ESRRG: variants seen among roughly 807,000 people sequenced by gnomAD.
The protein encoded by ESRRG is estrogen-related receptor gamma.
ESRRG carries 13 observed loss-of-function variants against 44.0 expected under a neutral mutation model. The ratio of observed to expected loss-of-function variants is 0.30; its 90% CI spans 0.19 to 0.47. ESRRG has a LOEUF of 0.47. Ranked by LOEUF, ESRRG falls within the 20% of genes least tolerant of loss-of-function variation. ESRRG has a pLI of 1.00. For synonymous variants in ESRRG, 215 were observed against 214.6 expected (o/e 1.00, Z -0.02); for missense variants, 395 against 580.6 (o/e 0.68, Z 3.29).
chr1:216,811,187 T>G lies in ESRRG; in HGVS notation c.-14+128395A>C, dbSNP rs1360202512. 2.0e-5 allele frequency among the ~76,000 whole-genome samples: 3 copies of G among 152,182 alleles called. No homozygotes were observed. The South Asian group carries it at 6.2e-4, about 31-fold the overall frequency. On this transcript the variant is annotated intron_variant, in intron 2 of 7. Transcript: ENST00000359162. The stretch of plus-strand genomic sequence containing the variant: ...AGGAAATGTTTGGTATGGGAGAAGA[T>G]AGGACCTATCAAATAAGATGAGATA...
chr1:216,886,104 A>G (rs1285834441), intron 2 of ESRRG, among the ~76,000 whole-genome samples: 1 of 152,178 alleles, frequency 6.6e-6, no homozygotes, highest in Non-Finnish European at 1.5e-5. Flanking sequence ...CCTAGTATGA[A>G]TAATCTCTGA....
At chr1:216,924,331 G>A (rs559659230) in intron 2 of ESRRG, among the ~76,000 whole-genome samples, 1 of 152,234 alleles carries the variant, frequency 6.6e-6, no homozygotes, top group South Asian at 2.1e-4. Flanking sequence ...CTGGTTGAAA[G>A]GGGAGGCCAA....
chr1:216,740,822 A>G (rs1358596912), intron 2 of ESRRG, among the ~76,000 whole-genome samples: 2 of 152,064 alleles, frequency 1.3e-5, no homozygotes, highest in Non-Finnish European at 2.9e-5. Context: ...ATTTGCAGGC[A>G]GAGGTGCCCC....
At chr1:216,942,075 C>T (rs2065324168) in intron 1 of ESRRG, among the ~76,000 whole-genome samples, 1 of 152,046 alleles carries the variant, frequency 6.6e-6, no homozygotes, top group African/African-American at 2.4e-5. Context: ...CCCTCCCTCC[C>T]CTCTTTTGGA....
At chr1:216,635,341 C>T (rs1486491063) in intron 3 of ESRRG, among the ~76,000 whole-genome samples, 1 of 152,092 alleles carries the variant, frequency 6.6e-6, no homozygotes, top group African/African-American at 2.4e-5. Flanking sequence ...CTAAGCTACC[C>T]GCAGCTTTGA....
intron 2 of ESRRG, among the ~76,000 whole-genome samples, chr1:216,788,614 G>A (rs749968252): frequency 2.6e-5 from 4 of 152,138 alleles, no homozygotes; most frequent in Non-Finnish European, 5.9e-5. Context: ...CTATTCTGTA[G>A]CCTATGGATC....
intron 5 of ESRRG, among the ~76,000 whole-genome samples, chr1:216,560,838 C>T (rs926207774): frequency 4.6e-5 from 7 of 151,876 alleles, no homozygotes; most frequent in East Asian, 1.9e-4. Context: ...CGAGCGCGGA[C>T]GAAATTGAAA....
chr1:216,548,168 C>T (rs552126897), intron 5 of ESRRG, among the ~76,000 whole-genome samples: 5 of 152,158 alleles, frequency 3.3e-5, no homozygotes, highest in African/African-American at 1.2e-4. Context: ...CATAAAATTG[C>T]TTTTGTAAAC....
At chr1:217,015,743 T>C (rs2079266093) in intron 1 of ESRRG, among the ~76,000 whole-genome samples, 1 of 151,630 alleles carries the variant, frequency 6.6e-6, no homozygotes, top group African/African-American at 2.4e-5. Flanking sequence ...TTTTTTTTTT[T>C]TTTGAGACAG....
intron 1 of ESRRG, among the ~76,000 whole-genome samples, chr1:217,029,778 G>C (rs778193668): frequency 5.3e-5 from 8 of 152,204 alleles, no homozygotes; most frequent in Admixed American, 6.5e-5. Context: ...TCTTTAGCTG[G>C]TCTGCAACTC....
chr1:216,809,130 A>C (rs537098070), intron 2 of ESRRG, among the ~76,000 whole-genome samples: 1 of 152,094 alleles, frequency 6.6e-6, no homozygotes, highest in South Asian at 2.1e-4. Flanking sequence ...TATTTTTCCA[A>C]CTATATCTTT....
At chr1:216,534,646 C>T (rs1002990766) in intron 5 of ESRRG, among the ~76,000 whole-genome samples, 1 of 152,180 alleles carries the variant, frequency 6.6e-6, no homozygotes, top group Non-Finnish European at 1.5e-5. Context: ...AGCCGAATAA[C>T]TGATGCAACT....
chr1:217,003,581 G>GTAA (rs1560437077), intron 1 of ESRRG, among the ~76,000 whole-genome samples: 4 of 108,172 alleles, frequency 3.7e-5, no homozygotes, highest in African/African-American at 1.3e-4. Context: ...TAATTAATAA[G>GTAA]TATTAATATT....
chr1:216,585,986 G>T (rs1238976484), intron 3 of ESRRG, among the ~76,000 whole-genome samples: 1 of 151,690 alleles, frequency 6.6e-6, no homozygotes, highest in Admixed American at 6.6e-5. Context: ...CTTGCAGTGA[G>T]CCGAGACTGT....
chr1:216,984,685 A>G (rs1210376511), intron 1 of ESRRG, among the ~76,000 whole-genome samples: 1 of 152,192 alleles, frequency 6.6e-6, no homozygotes, highest in Non-Finnish European at 1.5e-5. Context: ...GCTACATGCT[A>G]GAGAAGAGAA....
At chr1:217,122,673 T>C (rs1427197766) in intron 1 of ESRRG, among the ~76,000 whole-genome samples, 2 of 147,366 alleles carry the variant, frequency 1.4e-5, no homozygotes, top group East Asian at 4.0e-4. Context: ...ACTTTTTTTT[T>C]TTTTTTTTTT....
chr1:217,114,634 C>A (rs2092698837), intron 1 of ESRRG, among the ~76,000 whole-genome samples: 1 of 151,074 alleles, frequency 6.6e-6, no homozygotes, highest in Non-Finnish European at 1.5e-5. Context: ...ATGGGGTACA[C>A]CTGTCATTTG....
chr1:217,103,264 A>G (rs746387294), intron 1 of ESRRG, among the ~76,000 whole-genome samples: 5 of 152,054 alleles, frequency 3.3e-5, no homozygotes, highest in Non-Finnish European at 7.4e-5. Context: ...GTACTGCTGG[A>G]AGATGAAGTG....
chr1:216,903,541 A>G (rs1294688646), intron 2 of ESRRG, among the ~76,000 whole-genome samples: 3 of 151,962 alleles, frequency 2.0e-5, no homozygotes, highest in African/African-American at 7.3e-5. Flanking sequence ...CTCAGCTGTA[A>G]GGAATGGAGG....
Sources: allele counts gnomAD v4.1 joint callset (sites outside exome capture counted in the v4.1 genomes callset), GRCh38; gene constraint gnomAD v4.1.1; transcripts MANE v1.5; gene names NCBI Gene and HGNC (gene_info 2026-07-23, HGNC 2026-07-21).